Variants in CADM1 observed in about 807,000 individuals in gnomAD.
CADM1 encodes the protein TSLC-1.
A neutral mutation model predicts 53.1 loss-of-function variants in CADM1; 15 were observed. The observed-to-expected ratio is 0.28, with a 90% confidence interval of 0.19 to 0.44. The LOEUF (loss-of-function observed/expected upper bound fraction) is 0.44. Among genes scored for constraint, CADM1 ranks in the 20% least tolerant of loss-of-function variants. The pLI is 1.00. For synonymous variants in CADM1, 281 were observed against 243.0 expected (o/e 1.16, Z -1.45); for missense variants, 434 against 611.3 (o/e 0.71, Z 3.06).
intron 1 of CADM1, among the ~76,000 whole-genome samples, chr11:115,468,601 T>A (rs1486819017): frequency 2.0e-5 from 3 of 152,176 alleles, no homozygotes; most frequent in East Asian, 1.9e-4. Flanking sequence ...GGTCTATGGA[T>A]AATGGAAGGG....
chr11:115,340,719 G>A (rs1336449632), intron 1 of CADM1, among the ~76,000 whole-genome samples: 2 of 132,464 alleles, frequency 1.5e-5, no homozygotes, highest in Admixed American at 8.3e-5. Context: ...GCAGTGTAGT[G>A]GCGCAACTTT....
intron 1 of CADM1, among the ~76,000 whole-genome samples, chr11:115,479,721 ATAAT>A (rs1325947632): frequency 6.6e-6 from 1 of 152,186 alleles, no homozygotes; most frequent in Non-Finnish European, 1.5e-5. Flanking sequence ...ATAAACAGTG[ATAAT>A]TAATTAAGGT....
At chr11:115,204,379 T>C (rs571187209) in intron 8 of CADM1, among the ~76,000 whole-genome samples, 1 of 152,342 alleles carries the variant, frequency 6.6e-6, no homozygotes, top group South Asian at 2.1e-4. Context: ...GTATCTCTTA[T>C]TGGGTTCCAA....
Position 115,435,805 on chromosome 11 carries a change from C to T in CADM1, c.124+68466G>A. Among the ~76,000 whole-genome samples, 2 of 152,166 alleles carry T rather than the reference C, an allele frequency of 1.3e-5. 1 individual carries two copies. Among genetic ancestry groups the T allele is most frequent in the Middle Eastern group, 6.3e-3 (2 of 316 alleles). On this transcript the variant is annotated intron_variant, in intron 1 of 11. Transcript: ENST00000331581. ...TATGTATTTCCTATGGCTGTTTTTG[C>T]ATTACAACAACCGACCTGAGTGATT... is the stretch of plus-strand genomic sequence containing the variant.
At chr11:115,315,418 A>C (rs1169499695) in intron 1 of CADM1, among the ~76,000 whole-genome samples, 3 of 152,190 alleles carry the variant, frequency 2.0e-5, no homozygotes, top group Non-Finnish European at 4.4e-5. Context: ...TTGTTAATGT[A>C]TAAAAATGAG....
At chr11:115,265,937 C>T (rs1229286961) in intron 1 of CADM1, among the ~76,000 whole-genome samples, 3 of 152,168 alleles carry the variant, frequency 2.0e-5, no homozygotes, top group Non-Finnish European at 4.4e-5. Context: ...GGACCACAGC[C>T]TCACATCATG....
At chr11:115,320,251 C>T (rs1293279005) in intron 1 of CADM1, among the ~76,000 whole-genome samples, 1 of 151,992 alleles carries the variant, frequency 6.6e-6, no homozygotes, top group Non-Finnish European at 1.5e-5. Context: ...TTTATAGAGA[C>T]GAGGTCTCTC....
At chr11:115,435,293 T>C (rs937325354) in intron 1 of CADM1, among the ~76,000 whole-genome samples, 9 of 152,172 alleles carry the variant, frequency 5.9e-5, no homozygotes, top group African/African-American at 2.2e-4. Context: ...GGAACTGGGG[T>C]TGGCAAACTA....
At chr11:115,355,707 A>AACACAC (rs71066418) in intron 1 of CADM1, among the ~76,000 whole-genome samples, 93 of 150,940 alleles carry the variant, frequency 6.2e-4, no homozygotes, top group Admixed American at 4.3e-3. Context: ...TTAAATTACT[A>AACACAC]ACACACACAC....
chr11:115,445,817 C>G (rs774609762), intron 1 of CADM1: 1 of 449,404 alleles, frequency 2.2e-6, no homozygotes, highest in Non-Finnish European at 4.5e-6. Flanking sequence ...CGCACTCCAG[C>G]CTGGGTGATG....
intron 1 of CADM1, among the ~76,000 whole-genome samples, chr11:115,267,575 A>G (rs1413205738): frequency 6.6e-6 from 1 of 152,150 alleles, no homozygotes; most frequent in Non-Finnish European, 1.5e-5. Context: ...TGGAAATCAC[A>G]CATTTCTAAA....
intron 1 of CADM1, among the ~76,000 whole-genome samples, chr11:115,444,218 C>CAGTAAAG (rs1434322997): frequency 3.3e-5 from 5 of 152,026 alleles, no homozygotes; most frequent in African/African-American, 1.2e-4. Context: ...CAGAAGAAAT[C>CAGTAAAG]AGTAAAGAGT....
chr11:115,350,923 G>GT (rs1945717468), intron 1 of CADM1, among the ~76,000 whole-genome samples: 1 of 113,354 alleles, frequency 8.8e-6, no homozygotes, highest in Admixed American at 8.9e-5. Flanking sequence ...TTTACGAGAA[G>GT]TTAAAAAAAA....
chr11:115,214,775 ACAGG>A lies in CADM1; in HGVS notation c.823_826del (p.Pro275Ter). ...ATCGACTCTCACCCAAGTTACCATC[ACAGG>A]CCTGCAGGGGGAAGGGGAGGAAGAC... On this transcript the variant is annotated frameshift_variant and splice_region_variant, in exon 7 of 12. Transcript: ENST00000331581. LOFTEE classifies it high-confidence loss of function. 6.2e-7 allele frequency: 1 copy of A among 1,613,838 alleles called. No homozygotes were observed. The highest frequency in any genetic ancestry group is 2.2e-5 in the East Asian group (1 of 44,874).
In CADM1 at chr11:115,478,366, A is replaced by G. The variant is rs558103684; in HGVS notation, c.124+25905T>C. ...TCAGAAAATAACTGAAAATGTGAAG[A>G]AAAAAAGGGGTAAATATCTAGAAAA... is the stretch of plus-strand genomic sequence containing the variant. On this transcript the variant is annotated intron_variant, in intron 1 of 11. Coordinates refer to ENST00000331581, the MANE Select transcript of CADM1 (RefSeq NM_001301043.2). 2.0e-5 allele frequency among the ~76,000 whole-genome samples: 3 copies of G among 152,232 alleles called. No individual in the cohort carries two copies. In the South Asian group the frequency reaches 6.2e-4, roughly 32 times the overall value.
At chr11:115,444,529 G>C (rs1474375671) in intron 1 of CADM1, among the ~76,000 whole-genome samples, 1 of 152,142 alleles carries the variant, frequency 6.6e-6, no homozygotes, top group Non-Finnish European at 1.5e-5. Context: ...TTTCCGAACA[G>C]TGAAAATAAT....
At chr11:115,382,085 T>C (rs1041503951) in intron 1 of CADM1, among the ~76,000 whole-genome samples, 1 of 152,226 alleles carries the variant, frequency 6.6e-6, no homozygotes, top group African/African-American at 2.4e-5. Flanking sequence ...CCTCAAGTGA[T>C]CCACCCGCCT....
At chr11:115,314,576 G>C (rs992351691) in intron 1 of CADM1, among the ~76,000 whole-genome samples, 2 of 152,040 alleles carry the variant, frequency 1.3e-5, no homozygotes, top group Non-Finnish European at 2.9e-5. Context: ...CTCATTCCTC[G>C]TTTGTATATG....
At chr11:115,500,678 T>C (rs1179434593) in intron 1 of CADM1, among the ~76,000 whole-genome samples, 1 of 152,192 alleles carries the variant, frequency 6.6e-6, no homozygotes, top group African/African-American at 2.4e-5. Flanking sequence ...ACACATGTCA[T>C]AGAAAAGTGA....
Sources: allele counts gnomAD v4.1 joint callset (sites outside exome capture counted in the v4.1 genomes callset), GRCh38; gene constraint gnomAD v4.1.1; transcripts MANE v1.5; gene names NCBI Gene and HGNC (gene_info 2026-07-23, HGNC 2026-07-21).